SGMS1: variants seen among roughly 807,000 people sequenced by gnomAD.
The protein encoded by SGMS1 is sphingomyelin synthase 1, also known as phosphatidylcholine:ceramide cholinephosphotransferase 1.
In SGMS1, 13 loss-of-function variants were observed where a neutral mutation model predicts 46.2. The ratio of observed to expected loss-of-function variants is 0.28; its 90% CI spans 0.18 to 0.45. The LOEUF is 0.45. Ranked by LOEUF, SGMS1 falls within the 20% of genes least tolerant of loss-of-function variation. The pLI, the probability that SGMS1 is intolerant of heterozygous loss-of-function variation, is 1.00. For missense variants in SGMS1, 324 were observed against 519.9 expected (o/e 0.62, Z 3.66); for synonymous variants, 203 against 187.8 (o/e 1.08, Z -0.66).
chr10:50,402,610 C>T (rs1848957659), intron 6 of SGMS1, among the ~76,000 whole-genome samples: 2 of 152,110 alleles, frequency 1.3e-5, no homozygotes, highest in Admixed American at 1.3e-4. Context: ...TCTTTAAAAA[C>T]CTTCTCTGGA....
chr10:50,398,107 A>G (rs1161259590), intron 6 of SGMS1, among the ~76,000 whole-genome samples: 1 of 152,200 alleles, frequency 6.6e-6, no homozygotes, highest in East Asian at 1.9e-4. Flanking sequence ...TCTCTCAGTA[A>G]TAAAGTGAGG....
At chr10:50,344,870 C>CAAA (rs71856483) in intron 6 of SGMS1, among the ~76,000 whole-genome samples, 3 of 142,386 alleles carry the variant, frequency 2.1e-5, no homozygotes, top group African/African-American at 7.7e-5. Flanking sequence ...GATTCCTTCT[C>CAAA]AAAAAAAAAA....
At chr10:50,459,142 G>A (rs1018614267) in intron 5 of SGMS1, among the ~76,000 whole-genome samples, 11 of 152,030 alleles carry the variant, frequency 7.2e-5, no homozygotes, top group Admixed American at 2.0e-4. Flanking sequence ...GTCCACTCCC[G>A]TCTCCCATGC....
chr10:50,436,851 T>A (rs1849479847), intron 5 of SGMS1, among the ~76,000 whole-genome samples: 2 of 152,124 alleles, frequency 1.3e-5, no homozygotes, highest in Non-Finnish European at 2.9e-5. Context: ...ATGATCTAGT[T>A]TACTAAGAAG....
At chr10:50,593,529 G>A (rs1838562308) in intron 1 of SGMS1, among the ~76,000 whole-genome samples, 1 of 151,760 alleles carries the variant, frequency 6.6e-6, no homozygotes, top group African/African-American at 2.4e-5. Context: ...CCGTGTGTGT[G>A]TGTCTTTCCT....
intron 6 of SGMS1, among the ~76,000 whole-genome samples, chr10:50,356,319 G>A (rs528777711): frequency 9.9e-5 from 15 of 152,210 alleles, no homozygotes; most frequent in African/African-American, 2.9e-4. Flanking sequence ...GATTAAGGGC[G>A]GTGCAAGATG....
intron 1 of SGMS1, among the ~76,000 whole-genome samples, chr10:50,594,739 G>A (rs1190955258): frequency 6.6e-6 from 1 of 152,102 alleles, no homozygotes; most frequent in Admixed American, 6.5e-5. Flanking sequence ...CAAATAATGA[G>A]AAATTATCTC....
chr10:50,374,484 A>T (rs776732378), intron 6 of SGMS1, among the ~76,000 whole-genome samples: 9 of 127,372 alleles, frequency 7.1e-5, no homozygotes, highest in Non-Finnish European at 1.2e-4. Flanking sequence ...TATCAGCTTT[A>T]TCTTCCAAAT....
intron 3 of SGMS1, among the ~76,000 whole-genome samples, chr10:50,491,749 G>A (rs1424507805): frequency 6.6e-6 from 1 of 152,130 alleles, no homozygotes; most frequent in Non-Finnish European, 1.5e-5. Flanking sequence ...ACAAAGAAAA[G>A]CTGGTACCAT....
intron 2 of SGMS1, among the ~76,000 whole-genome samples, chr10:50,523,493 G>C (rs1381270594): frequency 6.6e-6 from 1 of 152,126 alleles, no homozygotes; most frequent in Non-Finnish European, 1.5e-5. Flanking sequence ...ACTTCAGATA[G>C]CCAGCTGGCT....
Position 50,307,849 on chromosome 10 carries a change from AC to A in SGMS1, c.1062+132del, listed in dbSNP as rs113232806. The A allele has an allele frequency of 1.4e-3, 1,137 of 805,988 alleles. 8 individuals carry two copies. The highest frequency in any genetic ancestry group is 0.012 in the African/African-American group (707 of 57,344). 49.9% of individuals were successfully genotyped at this position (805,988 alleles called of 1,614,324 possible). ...TGAAGAGAATCAATGTCACAAAAAA[AC>A]AATACAATCTTAGTTGATTACTACT... On this transcript the variant is annotated intron_variant, in intron 10 of 10. Coordinates refer to ENST00000361781, the MANE Select transcript of SGMS1 (RefSeq NM_147156.4). The surrounding 1 kb of genome is among the most constrained non-coding windows in gnomAD (Gnocchi z 4.2).
At chr10:50,519,674 G>A (rs978110909) in intron 3 of SGMS1, among the ~76,000 whole-genome samples, 157 bp downstream of exon 3, 9 of 152,118 alleles carry the variant, frequency 5.9e-5, no homozygotes, top group African/African-American at 2.2e-4. Flanking sequence ...CAGGCCTTTT[G>A]TTGGCTAATT....
chr10:50,482,338 C>G (rs112917904), intron 3 of SGMS1, among the ~76,000 whole-genome samples: 31 of 152,286 alleles, frequency 2.0e-4, no homozygotes, highest in African/African-American at 7.2e-4. Context: ...GGAAACCCTA[C>G]AAGCCAGAAG....
At chr10:50,554,506 GA>G (rs1200081302) in intron 2 of SGMS1, among the ~76,000 whole-genome samples, 1 of 152,130 alleles carries the variant, frequency 6.6e-6, no homozygotes, top group African/African-American at 2.4e-5. Context: ...TGGCAGGTAT[GA>G]AAAAACAAAG....
chr10:50,621,684 A>C (rs1333546206), intron 1 of SGMS1, among the ~76,000 whole-genome samples: 1 of 152,240 alleles, frequency 6.6e-6, no homozygotes, highest in African/African-American at 2.4e-5. Context: ...TTTATTAAAA[A>C]GTTTCCGGAA....
intron 2 of SGMS1, among the ~76,000 whole-genome samples, chr10:50,543,612 G>A (rs1272115866): frequency 2.0e-5 from 3 of 152,292 alleles, no homozygotes; most frequent in Middle Eastern, 3.4e-3. Context: ...GGAATAATGG[G>A]GTTTTGAGGT....
chr10:50,618,423 G>A (rs900191946), intron 1 of SGMS1, among the ~76,000 whole-genome samples: 2 of 152,142 alleles, frequency 1.3e-5, no homozygotes, highest in African/African-American at 4.8e-5. Context: ...GACAGGATGA[G>A]ATTAACATCT....
At chr10:50,355,400 C>T (rs570617559) in intron 6 of SGMS1, among the ~76,000 whole-genome samples, 16 of 152,312 alleles carry the variant, frequency 1.1e-4, no homozygotes, top group Non-Finnish European at 1.2e-4. Context: ...TCAGCCTGCC[C>T]GGTGCCTGGG....
intron 7 of SGMS1, among the ~76,000 whole-genome samples, chr10:50,339,302 C>T (rs144330372): frequency 2.0e-5 from 3 of 152,346 alleles, no homozygotes; most frequent in African/African-American, 7.2e-5. Context: ...GACCGTTCCT[C>T]AGGTAAGTGC....
Sources: allele counts gnomAD v4.1 joint callset (sites outside exome capture counted in the v4.1 genomes callset), GRCh38; gene constraint gnomAD v4.1.1; non-coding constraint Gnocchi (gnomAD v3.1); transcripts MANE v1.5; gene names NCBI Gene and HGNC (gene_info 2026-07-23, HGNC 2026-07-21).